GPC5: variants seen among roughly 807,000 people sequenced by gnomAD.
GPC5 encodes glypican 5.
A neutral mutation model predicts 53.9 loss-of-function variants in GPC5; 47 were observed. That is an observed-to-expected ratio of 0.87 (90% CI 0.69 to 1.11). The LOEUF is 1.11. Among genes scored for constraint, GPC5 ranks in the 50% most tolerant of loss-of-function variants. The pLI is 0.00. For missense variants in GPC5, 748 were observed against 713.1 expected, an observed-to-expected ratio of 1.05 and a Z score of -0.56; for synonymous variants, 286 against 263.3, an observed-to-expected ratio of 1.09 and a Z score of -0.84.
chr13:92,671,156 T>G (rs1886737221), intron 7 of GPC5, among the ~76,000 whole-genome samples: 1 of 152,190 alleles, frequency 6.6e-6, no homozygotes, highest in Non-Finnish European at 1.5e-5. Context: ...TAGTCACTAT[T>G]TTCTGTCCTG....
chr13:91,607,063 G>A (rs1298093880), intron 2 of GPC5, among the ~76,000 whole-genome samples: 42 of 151,862 alleles, frequency 2.8e-4, no homozygotes, highest in Non-Finnish European at 1.2e-4. Context: ...GTCAATTTTG[G>A]ATCTTTCCTG....
At chr13:92,469,672 A>C (rs1878835346) in intron 7 of GPC5, among the ~76,000 whole-genome samples, 1 of 152,130 alleles carries the variant, frequency 6.6e-6, no homozygotes, top group Non-Finnish European at 1.5e-5. Context: ...ACAGAAAGTA[A>C]AAATTTGTTT....
chr13:92,000,174 TTC>T (rs2138751637), intron 6 of GPC5, among the ~76,000 whole-genome samples: 1 of 152,286 alleles, frequency 6.6e-6, no homozygotes, highest in South Asian at 2.1e-4. Context: ...CCATTTTCAT[TTC>T]TGTCTTCCCA....
intron 2 of GPC5, among the ~76,000 whole-genome samples, chr13:91,523,931 T>C (rs1885960306): frequency 6.6e-6 from 1 of 152,008 alleles, no homozygotes; most frequent in Admixed American, 6.6e-5. Context: ...AAAGACACAG[T>C]TTTATGGTTT....
intron 6 of GPC5, among the ~76,000 whole-genome samples, chr13:91,915,455 C>A (rs558317117): frequency 3.9e-5 from 6 of 151,970 alleles, no homozygotes; most frequent in African/African-American, 1.4e-4. Flanking sequence ...TTGGGATTGG[C>A]CATTGGTAAT....
chr13:92,361,791 C>G (rs754930285), intron 7 of GPC5, among the ~76,000 whole-genome samples: 1 of 151,628 alleles, frequency 6.6e-6, no homozygotes, highest in Non-Finnish European at 1.5e-5. Context: ...ACAGATTATA[C>G]AATTATATGT....
intron 6 of GPC5, among the ~76,000 whole-genome samples, chr13:92,087,114 A>G (rs2041342058): frequency 6.6e-6 from 1 of 152,222 alleles, no homozygotes; most frequent in Non-Finnish European, 1.5e-5. Context: ...CTTAGTGCTG[A>G]GGGCCATCTT....
intron 6 of GPC5, among the ~76,000 whole-genome samples, chr13:92,007,397 T>A (rs1340493566): frequency 2.0e-5 from 3 of 152,174 alleles, no homozygotes; most frequent in African/African-American, 7.2e-5. Context: ...CATATTGAAG[T>A]TCTGATATTA....
At chr13:92,825,180 G>A (rs558072046) in intron 7 of GPC5, among the ~76,000 whole-genome samples, 68 of 152,138 alleles carry the variant, frequency 4.5e-4, no homozygotes, top group African/African-American at 1.5e-3. Flanking sequence ...AGCACGATCC[G>A]TGTGCCTGAG....
intron 2 of GPC5, among the ~76,000 whole-genome samples, chr13:91,460,510 T>C (rs59470875): frequency 0.058 from 8,802 of 151,914 alleles, 510 homozygotes; most frequent in African/African-American, 0.14. Flanking sequence ...CCATGTTGGC[T>C]AGGCTGGTTT....
intron 7 of GPC5, among the ~76,000 whole-genome samples, chr13:92,707,931 C>G (rs1229333129): frequency 1.3e-5 from 2 of 152,058 alleles, no homozygotes; most frequent in Non-Finnish European, 2.9e-5. Context: ...GATCCCAGAT[C>G]TCAAAACTTC....
At chr13:92,064,486 G>A (rs2041149807) in intron 6 of GPC5, among the ~76,000 whole-genome samples, 1 of 152,122 alleles carries the variant, frequency 6.6e-6, no homozygotes, top group Admixed American at 6.5e-5. Context: ...GGCCTGGCGC[G>A]GTGGCTCACG....
At chr13:92,579,261 CCCTCCCT>C (rs1883289797) in intron 7 of GPC5, among the ~76,000 whole-genome samples, 3 of 36,132 alleles carry the variant, frequency 8.3e-5, no homozygotes, top group Non-Finnish European at 1.1e-4. Flanking sequence ...CTCCCTCCCT[CCCTCCCT>C]CCCTCCCTCT....
intron 7 of GPC5, among the ~76,000 whole-genome samples, chr13:92,460,588 A>G (rs1594219896): frequency 1.3e-5 from 2 of 152,208 alleles, no homozygotes; most frequent in South Asian, 4.1e-4. Context: ...GGGCTTATGC[A>G]GTAGTCCTTG....
intron 6 of GPC5, among the ~76,000 whole-genome samples, chr13:92,098,221 T>C (rs1372423710): frequency 1.3e-5 from 2 of 152,176 alleles, no homozygotes; most frequent in Admixed American, 1.3e-4. Context: ...CCATGTGTTC[T>C]CATCATTCAG....
chr13:91,613,693 G>T (rs925471977), intron 2 of GPC5, among the ~76,000 whole-genome samples: 4 of 152,178 alleles, frequency 2.6e-5, no homozygotes, highest in Non-Finnish European at 5.9e-5. Context: ...ATCAACTTCG[G>T]TATATTGACC....
intron 6 of GPC5, among the ~76,000 whole-genome samples, chr13:91,932,577 G>A (rs1037856993): frequency 1.8e-4 from 28 of 151,972 alleles, no homozygotes; most frequent in African/African-American, 5.3e-4. Flanking sequence ...TTTCATTACA[G>A]ATACCACCTG....
chr13:92,179,315 A>G (rs983501506), intron 7 of GPC5, among the ~76,000 whole-genome samples: 2 of 152,248 alleles, frequency 1.3e-5, no homozygotes, highest in African/African-American at 4.8e-5. Flanking sequence ...CTATTTCCAG[A>G]TGAGCATGGC....
At chr13:92,289,515 A>G (rs2042979270) in intron 7 of GPC5, among the ~76,000 whole-genome samples, 1 of 152,086 alleles carries the variant, frequency 6.6e-6, no homozygotes, top group African/African-American at 2.4e-5. Flanking sequence ...TTAAGGCCAC[A>G]TGAATTCTGT....
Sources: allele counts gnomAD v4.1 joint callset (sites outside exome capture counted in the v4.1 genomes callset), GRCh38; gene constraint gnomAD v4.1.1; transcripts MANE v1.5; gene names NCBI Gene and HGNC (gene_info 2026-07-23, HGNC 2026-07-21).